SNX29: variants seen among roughly 807,000 people sequenced by gnomAD.
The protein encoded by SNX29 is sorting nexin 29, also known as sorting nexin-29.
Under a neutral mutation model 102.1 loss-of-function variants are expected in SNX29, and 78 were observed. The ratio of observed to expected loss-of-function variants is 0.76; its 90% CI spans 0.64 to 0.92. The LOEUF (loss-of-function observed/expected upper bound fraction) is 0.92, where lower values mean the gene tolerates loss of function less well. SNX29 is among the 40% of genes least tolerant of loss of function. The probability of loss-of-function intolerance (pLI) is 0.00; values close to 1 mark genes in which losing one functional copy is unlikely to be tolerated. For synonymous variants in SNX29, 580 were observed against 414.5 expected (o/e 1.40, Z -4.85); for missense variants, 1,280 against 1,061.7 (o/e 1.21, Z -2.86).
chr16:12,568,120 T>C (rs747217952), intron 20 of SNX29, among the ~76,000 whole-genome samples: 4 of 152,190 alleles, frequency 2.6e-5, no homozygotes, highest in Non-Finnish European at 5.9e-5. Flanking sequence ...TGTGGCTTTA[T>C]GTAGTGTTCT....
At chr16:12,297,524 C>A (rs1428628775) in intron 15 of SNX29, among the ~76,000 whole-genome samples, 2 of 151,894 alleles carry the variant, frequency 1.3e-5, no homozygotes, top group African/African-American at 2.4e-5. Context: ...CTTCTCCTGG[C>A]CTCTCCTACT....
chr16:12,436,591 G>A (rs1429708064), intron 18 of SNX29, among the ~76,000 whole-genome samples: 1 of 152,222 alleles, frequency 6.6e-6, no homozygotes, highest in African/African-American at 2.4e-5. Flanking sequence ...CTGGTGCCTG[G>A]AAGGACTCTT....
intron 19 of SNX29, among the ~76,000 whole-genome samples, chr16:12,520,149 T>G (rs2090042661): frequency 6.6e-6 from 1 of 152,184 alleles, no homozygotes; most frequent in Admixed American, 6.5e-5. Flanking sequence ...GGCCAGGGTG[T>G]CTGCACCTCT....
chr16:12,550,650 C>G (rs764618531), intron 20 of SNX29, among the ~76,000 whole-genome samples: 2 of 152,034 alleles, frequency 1.3e-5, no homozygotes, highest in Non-Finnish European at 2.9e-5. Context: ...GTAACCGTCA[C>G]TTAGTGGAGG....
chr16:12,144,816 G>T (rs1430090793), intron 13 of SNX29, among the ~76,000 whole-genome samples: 1 of 152,176 alleles, frequency 6.6e-6, no homozygotes, highest in Non-Finnish European at 1.5e-5. Context: ...CCTCCTCCCG[G>T]ATTCACACCA....
intron 16 of SNX29, among the ~76,000 whole-genome samples, chr16:12,393,703 T>G (rs1391180211): frequency 6.6e-6 from 1 of 152,226 alleles, no homozygotes; most frequent in Non-Finnish European, 1.5e-5. Context: ...GAGCTAACCT[T>G]ACAGAGAGGC....
chr16:12,036,458 C>A (rs2057477118), intron 4 of SNX29, among the ~76,000 whole-genome samples: 1 of 151,860 alleles, frequency 6.6e-6, no homozygotes, highest in Non-Finnish European at 1.5e-5. Context: ...CCTCTGCCTC[C>A]CAAGTAGCTG....
intron 11 of SNX29, among the ~76,000 whole-genome samples, chr16:12,108,562 G>A (rs2053364096): frequency 6.6e-6 from 1 of 152,148 alleles, no homozygotes; most frequent in South Asian, 2.1e-4. Context: ...TACTATATCT[G>A]GGCAGTGTGC....
intron 19 of SNX29, among the ~76,000 whole-genome samples, chr16:12,489,304 G>A (rs1167262950): frequency 1.3e-5 from 2 of 151,682 alleles, no homozygotes; most frequent in African/African-American, 4.9e-5. Flanking sequence ...AAAAAATTCA[G>A]CCTCTCAAGT....
At chr16:12,263,949 A>G (rs71385199) in intron 14 of SNX29, among the ~76,000 whole-genome samples, 1 of 152,222 alleles carries the variant, frequency 6.6e-6, no homozygotes. Context: ...CTGATGTTCT[A>G]TTAATGACTT....
At chr16:12,298,642 A>G (rs2080060260) in intron 15 of SNX29, among the ~76,000 whole-genome samples, 1 of 152,192 alleles carries the variant, frequency 6.6e-6, no homozygotes. Flanking sequence ...TTTCCTGCCA[A>G]TGAGAGACAG....
chr16:12,058,313 C>G (rs572358640), intron 8 of SNX29, among the ~76,000 whole-genome samples: 8 of 151,906 alleles, frequency 5.3e-5, no homozygotes, highest in Non-Finnish European at 1.0e-4. Flanking sequence ...TGGGCATTTT[C>G]TAAGTTTTCA....
intron 4 of SNX29, among the ~76,000 whole-genome samples, chr16:12,031,754 G>T (rs909430216): frequency 2.6e-5 from 4 of 151,942 alleles, no homozygotes; most frequent in African/African-American, 9.7e-5. Flanking sequence ...GCAGTGAGCC[G>T]AGATCGCGCC....
At chr16:12,488,960 G>T (rs529848689) in intron 19 of SNX29, among the ~76,000 whole-genome samples, 1 of 152,252 alleles carries the variant, frequency 6.6e-6, no homozygotes, top group East Asian at 1.9e-4. Context: ...GACTCCGTTG[G>T]GCATTAAACG....
intron 20 of SNX29, among the ~76,000 whole-genome samples, chr16:12,561,765 C>T (rs1472548264): frequency 6.6e-6 from 1 of 152,028 alleles, no homozygotes; most frequent in East Asian, 1.9e-4. Context: ...AAATGAACAC[C>T]AAAGCACATG....
intron 13 of SNX29, among the ~76,000 whole-genome samples, chr16:12,193,885 C>T (rs1047685684): frequency 6.6e-6 from 1 of 152,186 alleles, no homozygotes; most frequent in African/African-American, 2.4e-5. Context: ...GGCTTGAGGG[C>T]TGTAGCTTTA....
At position 12,027,210 on chromosome 16, in the gene SNX29, C is replaced by T; in HGVS notation, c.123-110C>T. The T allele has an allele frequency of 2.2e-6, 3 of 1,380,896 alleles. No individual in the cohort carries two copies. The South Asian group carries it at 3.9e-5, about 18-fold the overall frequency. 85.5% of individuals were successfully genotyped at this position (1,380,896 alleles called of 1,614,324 possible). ...CATCCAGGTGTCTCCTGTCTGCCTT[C>T]ACGCTGAGGTTTACACCTGGCGGCT... On this transcript the variant is annotated intron_variant, in intron 3 of 20. Transcript: ENST00000566228.
At chr16:12,143,234 T>G (rs571801691) in intron 13 of SNX29, among the ~76,000 whole-genome samples, 2 of 151,546 alleles carry the variant, frequency 1.3e-5, no homozygotes, top group African/African-American at 4.8e-5. Context: ...CGACCTCAGG[T>G]GATCCGTCCA....
chr16:12,288,744 A>G (rs967302648), intron 15 of SNX29, among the ~76,000 whole-genome samples: 5 of 151,658 alleles, frequency 3.3e-5, no homozygotes, highest in African/African-American at 9.7e-5. Context: ...GGGCTATTCT[A>G]TTTTTAGGCA....
Sources: gnomAD v4.1 joint callset for allele counts (sites outside exome capture counted in the v4.1 genomes callset) on GRCh38, gnomAD v4.1.1 for gene constraint, MANE v1.5 for transcripts, NCBI Gene and HGNC (gene_info 2026-07-23, HGNC 2026-07-21) for gene names.